The following GNAS variants were observed in gnomAD, a reference collection of about 807,000 sequenced individuals.
GNAS encodes the protein GNAS complex locus.
In GNAS, 8 loss-of-function variants were observed where a neutral mutation model predicts 54.5. The observed-to-expected ratio is 0.15, with a 90% CI of 0.09 to 0.26. GNAS has a LOEUF of 0.26. Ranked by LOEUF, GNAS falls within the 10% of genes least tolerant of loss-of-function variation. The pLI is 1.00. For synonymous variants in GNAS, 204 were observed against 191.4 expected, an observed-to-expected ratio of 1.07 and a Z score of -0.54; for missense variants, 170 against 529.8, an observed-to-expected ratio of 0.32 and a Z score of 6.67.
At position 58,873,782 on chromosome 20, in the gene GNAS, C is replaced by T. The variant is rs73129579; in HGVS notation, c.44-21830C>T. Among the ~76,000 whole-genome samples, 16,128 of 152,190 alleles carry T rather than the reference C, an allele frequency of 0.11. 1,311 individuals carry two copies. The highest frequency in any genetic ancestry group is 0.23 in the African/African-American group (9,614 of 41,486). ...GTGGGGAAGACAAAAGTATGAGACA[C>T]TGCTACTCCCTTGATGGAATCAAAA... On this transcript the variant is annotated intron_variant, in intron 1 of 12. Coordinates refer to the GNAS transcript ENST00000306090. The surrounding 1 kb of genome is among the most constrained non-coding windows in gnomAD (Gnocchi z 4.3).
chr20:58,850,413 AC>A (rs2086111597), intron 1 of GNAS: 1 of 397,562 alleles, frequency 2.5e-6, no homozygotes. Context: ...GAGACCCTGA[AC>A]CCGTTCCTCG....
chr20:58,910,265 C>T lies in GNAS; in HGVS notation c.971-69C>T, dbSNP rs575031137. The T allele has an allele frequency of 7.5e-6, 10 of 1,325,502 alleles. No individual in the cohort carries two copies. The highest frequency in any genetic ancestry group is 1.8e-4 in the Middle Eastern group (1 of 5,538). The allele number at this position is 1,325,502 out of a possible 1,614,324, so 82.1% of individuals were successfully genotyped here. On this transcript the variant is annotated intron_variant, in intron 11 of 12. Coordinates refer to ENST00000371085, the MANE Select transcript of GNAS (RefSeq NM_000516.7). This position sits in a 1 kb window ranked among gnomAD's most constrained non-coding sequence, Gnocchi z 5.8. ...AGGGTTTTGAAGACTTCAGGAGCTA[C>T]AGAGATGCTAGCACCCCAGCTCTGC... is the stretch of plus-strand genomic sequence containing the variant.
chr20:58,853,642 G>A lies in GNAS; in HGVS notation c.43+12756G>A, dbSNP rs752182669. 6.2e-7 allele frequency: 1 copy of A among 1,613,464 alleles called. No homozygotes were observed. The highest frequency in any genetic ancestry group is 8.5e-7 in the Non-Finnish European group (1 of 1,179,854). ...CTGGAGCAGCCTGGATTCCCCAGTG[G>A]GGTCCATGCAGGCCTTGAGGCCTTC... On this transcript the variant is annotated intron_variant, in intron 1 of 12. Coordinates refer to the GNAS transcript ENST00000306090. This position sits in a 1 kb window ranked among gnomAD's most constrained non-coding sequence, Gnocchi z 4.4.
intron 1 of GNAS, among the ~76,000 whole-genome samples, chr20:58,875,986 C>T (rs946625787): frequency 6.6e-6 from 1 of 152,186 alleles, no homozygotes; most frequent in African/African-American, 2.4e-5. Flanking sequence ...AACAGCCCCC[C>T]CAACTGTCCT....
Position 58,910,359 on chromosome 20 carries a change from A to G in GNAS, c.996A>G (p.Pro332=), listed in dbSNP as rs1293868028. The G allele has an allele frequency of 6.2e-7, 1 of 1,612,474 alleles. No homozygotes were observed. The highest frequency in any genetic ancestry group is 8.5e-7 in the Non-Finnish European group (1 of 1,178,710). The change falls in exon 12 of 13, where the codon CCA becomes CCG. Residue 332 remains proline, a synonymous_variant. Transcript: ENST00000371085. The surrounding 1 kb of genome is among the most constrained non-coding windows in gnomAD (Gnocchi z 5.8). Reference sequence around the variant, plus strand: ...CTACTCCCGAGCCCGGAGAGGACCCACGCGTGACCCGGGCCAAGTACTTCA... The same window carrying G: ...CTACTCCCGAGCCCGGAGAGGACCCGCGCGTGACCCGGGCCAAGTACTTCA... ...EDATPEPGED[P]RVTRAKYFIR...
At chr20:58,896,830 A>G (rs1419343704) in intron 2 of GNAS, among the ~76,000 whole-genome samples, 1 of 152,090 alleles carries the variant, frequency 6.6e-6, no homozygotes, top group South Asian at 2.1e-4. Context: ...CTTCCATTTC[A>G]AAAGGGGAGT....
chr20:58,862,196 C>T (rs1273040038), intron 1 of GNAS, among the ~76,000 whole-genome samples: 9 of 151,438 alleles, frequency 5.9e-5, no homozygotes, highest in Non-Finnish European at 4.4e-5. Flanking sequence ...CTCACTCTGT[C>T]GCCCAAGCTG....
intron 1 of GNAS, among the ~76,000 whole-genome samples, chr20:58,881,198 G>A (rs1040877818): frequency 2.0e-5 from 3 of 152,214 alleles, no homozygotes; most frequent in Admixed American, 6.5e-5. Context: ...TCCCAGAGGC[G>A]TGGGTTAAAT....
intron 1 of GNAS, chr20:58,854,392 C>G: frequency 6.4e-7 from 1 of 1,566,202 alleles, no homozygotes; most frequent in Non-Finnish European, 8.6e-7. Context: ...GTACCCTCTC[C>G]GGGGTACGGA....
At chr20:58,897,176 A>AC (rs1235822698) in intron 2 of GNAS, among the ~76,000 whole-genome samples, 1 of 152,242 alleles carries the variant, frequency 6.6e-6, no homozygotes, top group Non-Finnish European at 1.5e-5. Context: ...ACATGCACAT[A>AC]CGTGCTATTG....
chr20:58,860,051 A>G (rs887025661), intron 1 of GNAS, among the ~76,000 whole-genome samples: 5 of 152,254 alleles, frequency 3.3e-5, no homozygotes, highest in Admixed American at 6.5e-5. Context: ...TGATTATTCT[A>G]AGTATACTAT....
intron 2 of GNAS, chr20:58,897,579 A>T (rs939484820): frequency 6.6e-6 from 1 of 152,214 alleles, no homozygotes; most frequent in Non-Finnish European, 1.5e-5. Flanking sequence ...AAATTTAAAA[A>T]TTTTTATAGA....
intron 2 of GNAS, chr20:58,898,058 G>C (rs1009909103): frequency 4.8e-4 from 73 of 152,324 alleles, no homozygotes; most frequent in African/African-American, 1.6e-3. Context: ...CAGAAATACA[G>C]AGGTTGGATG....
chr20:58,891,301 C>T (rs1488061109), upstream of GNAS: 631 of 146,942 alleles, frequency 4.3e-3, 13 homozygotes, highest in Admixed American at 0.038. Flanking sequence ...CTTCCACCCC[C>T]CTCGCCGCCG....
chr20:58,846,090 A>G (rs1368784397), intron 1 of GNAS, among the ~76,000 whole-genome samples: 2 of 152,244 alleles, frequency 1.3e-5, no homozygotes, highest in African/African-American at 4.8e-5. Flanking sequence ...CAAAAGGAAA[A>G]GAAGAATTTG....
chr20:58,898,065 G>T (rs1489358698), intron 2 of GNAS: 2 of 152,170 alleles, frequency 1.3e-5, no homozygotes, highest in Non-Finnish European at 2.9e-5. Flanking sequence ...ACAGAGGTTG[G>T]ATGCGGATTT....
intron 3 of GNAS, among the ~76,000 whole-genome samples, chr20:58,900,687 T>A (rs550604382): frequency 2.0e-5 from 3 of 152,338 alleles, no homozygotes; most frequent in Admixed American, 2.0e-4. Context: ...TTGCCTTTGT[T>A]GAGTAGTTTA....
At position 58,910,891 on chromosome 20, in the gene GNAS, T is replaced by C. The variant is rs1441605685; in HGVS notation, c.*62T>C. 6.6e-7 allele frequency: 1 copy of C among 1,512,688 alleles called. No individual in the cohort carries two copies. The highest frequency in any genetic ancestry group is 9.2e-7 in the Non-Finnish European group (1 of 1,091,036). The allele number at this position is 1,512,688 out of a possible 1,614,324, so 93.7% of individuals were successfully genotyped here. The stretch of plus-strand genomic sequence containing the variant: ...CAATTAATTAAAAGTGAAACGTAAT[T>C]GTACAAGCAGTTAATCACCCACCAT... On this transcript the variant is annotated 3_prime_UTR_variant, in exon 13 of 13. Transcript: ENST00000371085. This position sits in a 1 kb window ranked among gnomAD's most constrained non-coding sequence, Gnocchi z 5.8.
chr20:58,889,370 C>A (rs2088885736), upstream of GNAS: 1 of 983,796 alleles, frequency 1.0e-6, no homozygotes, highest in African/African-American at 1.8e-5. Context: ...CGGGGAGCGC[C>A]GGGGCCTCCC....
Sources: allele counts gnomAD v4.1 joint callset (sites outside exome capture counted in the v4.1 genomes callset), GRCh38; gene constraint gnomAD v4.1.1; non-coding constraint Gnocchi (gnomAD v3.1); transcripts MANE v1.5; gene names NCBI Gene and HGNC (gene_info 2026-07-23, HGNC 2026-07-21).